The following ADAMTSL1 variants were observed in gnomAD, a reference collection of about 807,000 sequenced individuals.
The protein encoded by ADAMTSL1 is ADAMTS-like protein 1.
A neutral mutation model predicts 201.8 loss-of-function variants in ADAMTSL1; 126 were observed. The observed-to-expected ratio is 0.62, with a 90% CI of 0.54 to 0.72. The LOEUF (loss-of-function observed/expected upper bound fraction) is 0.72. Among genes scored for constraint, ADAMTSL1 ranks in the 30% least tolerant of loss-of-function variants. The pLI is 0.00. For synonymous variants in ADAMTSL1, 1,121 were observed against 903.4 expected (o/e 1.24, Z -4.32); for missense variants, 2,679 against 2,277.8 (o/e 1.18, Z -3.59).
intron 1 of ADAMTSL1, among the ~76,000 whole-genome samples, chr9:18,007,461 G>A (rs766077588): frequency 5.3e-5 from 8 of 151,920 alleles, no homozygotes; most frequent in Non-Finnish European, 1.0e-4. Context: ...AAAAACAGAC[G>A]GTATGTTAGA....
Position 17,911,820 on chromosome 9 carries a change from T to A in ADAMTSL1, c.87+4898T>A, listed in dbSNP as rs10963334. Among the ~76,000 whole-genome samples the A allele has an allele frequency of 5.8e-5, 3 of 51,478 alleles. 1 individual carries two copies. Among genetic ancestry groups the A allele is most frequent in the Non-Finnish European group, 1.8e-4 (3 of 16,526 alleles). The allele number at this position is 51,478 out of a possible 152,430, so 33.8% of individuals were successfully genotyped here. A position where few individuals can be genotyped will look rare whatever the true frequency, so the allele number is the denominator to read the frequency against. On this transcript the variant is annotated intron_variant, in intron 1 of 29. Coordinates refer to the ADAMTSL1 transcript ENST00000680146. ...ATTTAGCATTAGGTATATCTCCTAA[T>A]GCTATCCCTTCCCCCTCCCCCCACC...
At chr9:18,873,607 G>A (rs934100699) in intron 23 of ADAMTSL1, among the ~76,000 whole-genome samples, 1 of 152,156 alleles carries the variant, frequency 6.6e-6, no homozygotes, top group Non-Finnish European at 1.5e-5. Context: ...TCAGTTGGCT[G>A]TAAGTATTTG....
At chr9:17,987,736 A>G (rs1818987400) in intron 1 of ADAMTSL1, among the ~76,000 whole-genome samples, 1 of 152,040 alleles carries the variant, frequency 6.6e-6, no homozygotes, top group Non-Finnish European at 1.5e-5. Flanking sequence ...CTTTGGAGCC[A>G]TTGGAAACTT....
At chr9:18,232,733 T>C (rs1264437256) in intron 2 of ADAMTSL1, among the ~76,000 whole-genome samples, 1 of 152,182 alleles carries the variant, frequency 6.6e-6, no homozygotes, top group Non-Finnish European at 1.5e-5. Context: ...CTTGTCTTTC[T>C]GTATGTACAT....
intron 1 of ADAMTSL1, among the ~76,000 whole-genome samples, chr9:18,021,433 G>A (rs1820477233): frequency 6.6e-6 from 1 of 152,078 alleles, no homozygotes. Flanking sequence ...GGGCTGTCTG[G>A]AGATTAATTT....
chr9:17,923,516 G>A (rs1428406481), intron 1 of ADAMTSL1, among the ~76,000 whole-genome samples: 1 of 152,014 alleles, frequency 6.6e-6, no homozygotes, highest in African/African-American at 2.4e-5. Flanking sequence ...TGCTGAAGGA[G>A]ATTTTGGGCT....
chr9:18,799,127 T>C (rs1263236023), intron 20 of ADAMTSL1, among the ~76,000 whole-genome samples: 1 of 152,158 alleles, frequency 6.6e-6, no homozygotes, highest in African/African-American at 2.4e-5. Context: ...TTCCTCCCTC[T>C]AAATTCACTT....
At chr9:18,103,965 C>G (rs925700863) in intron 1 of ADAMTSL1, among the ~76,000 whole-genome samples, 7 of 152,120 alleles carry the variant, frequency 4.6e-5, no homozygotes, top group Admixed American at 4.6e-4. Context: ...TGAGATTTTC[C>G]TAGTGTCAAA....
chr9:18,634,909 A>AAT (rs34726555), intron 5 of ADAMTSL1, among the ~76,000 whole-genome samples: 1 of 138,226 alleles, frequency 7.2e-6, no homozygotes, highest in East Asian at 2.0e-4. Context: ...ATATATATTT[A>AAT]ATATATATAT....
Position 18,474,669 on chromosome 9 carries a change from A to AT in ADAMTSL1, c.63+380dup, listed in dbSNP as rs542260350. 3.2e-3 allele frequency among the ~76,000 whole-genome samples: 489 copies of AT among 152,222 alleles called. 1 individual carries two copies. Among genetic ancestry groups the AT allele is most frequent in the Non-Finnish European group, 5.7e-3 (387 of 68,006 alleles). On this transcript the variant is annotated intron_variant, in intron 1 of 28. Transcript: ENST00000380548. ...ACTCACTCACTGTGGTGTTCCTGGA[A>AT]TTTTTTGATGGATAGGCTTTGCAGA...
intron 1 of ADAMTSL1, among the ~76,000 whole-genome samples, chr9:17,957,363 A>G (rs937056131): frequency 6.6e-5 from 10 of 152,082 alleles, no homozygotes; most frequent in Non-Finnish European, 1.3e-4. Flanking sequence ...GCAGCTTCCT[A>G]TTACTGCTAA....
chr9:18,166,208 G>A (rs1182636288), intron 2 of ADAMTSL1, among the ~76,000 whole-genome samples: 1 of 151,882 alleles, frequency 6.6e-6, no homozygotes, highest in Non-Finnish European at 1.5e-5. Flanking sequence ...TTGAAGACAG[G>A]ACCTCTGTTG....
intron 15 of ADAMTSL1, among the ~76,000 whole-genome samples, chr9:18,746,651 T>G (rs1819163474): frequency 6.6e-6 from 1 of 151,968 alleles, no homozygotes; most frequent in Non-Finnish European, 1.5e-5. Flanking sequence ...CCATTAGAAA[T>G]TATGAACATT....
chr9:18,734,560 G>C (rs186285052), intron 15 of ADAMTSL1, among the ~76,000 whole-genome samples: 2 of 152,200 alleles, frequency 1.3e-5, no homozygotes, highest in South Asian at 4.2e-4. Context: ...CCTGGGCCGC[G>C]CACTAACAGC....
chr9:18,155,139 T>C (rs940830409), intron 1 of ADAMTSL1, among the ~76,000 whole-genome samples: 1 of 152,032 alleles, frequency 6.6e-6, no homozygotes, highest in Admixed American at 6.6e-5. Flanking sequence ...TTCTATTTTG[T>C]TTCCTTTGAC....
In ADAMTSL1 at chr9:18,811,030, AAAAAAC is replaced by A. The variant is rs1332631290; in HGVS notation, c.3806-6075_3806-6070del. On this transcript the variant is annotated intron_variant, in intron 20 of 28. Transcript: ENST00000380548. The stretch of plus-strand genomic sequence containing the variant: ...TGAGTACCAAAAAAAAAAAAAAAAA[AAAAAAC>A]AAACACCAGCTAGAAACCTTCTCTC... Among the ~76,000 whole-genome samples, 417 of 148,772 alleles carry A rather than the reference AAAAAAC, an allele frequency of 2.8e-3. 2 individuals carry two copies. The highest frequency in any genetic ancestry group is 9.7e-3 in the African/African-American group (385 of 39,714).
intron 14 of ADAMTSL1, among the ~76,000 whole-genome samples, chr9:18,709,827 G>C (rs963125328): frequency 1.3e-5 from 2 of 152,108 alleles, no homozygotes; most frequent in African/African-American, 4.8e-5. Context: ...AATCTAGCTG[G>C]GGGAATACTT....
chr9:18,421,530 A>G (rs1050030714), intron 2 of ADAMTSL1, among the ~76,000 whole-genome samples: 4 of 152,204 alleles, frequency 2.6e-5, no homozygotes, highest in African/African-American at 9.6e-5. Flanking sequence ...CCATTCATTC[A>G]GCAAGCTGTA....
At chr9:18,702,062 CA>C (rs1437555043) in intron 13 of ADAMTSL1, among the ~76,000 whole-genome samples, 1 of 151,970 alleles carries the variant, frequency 6.6e-6, no homozygotes, top group Non-Finnish European at 1.5e-5. Context: ...TAGCGGCAGG[CA>C]AAAAAGAGAG....
Sources: allele counts gnomAD v4.1 joint callset (sites outside exome capture counted in the v4.1 genomes callset), GRCh38; gene constraint gnomAD v4.1.1; transcripts MANE v1.5; gene names NCBI Gene and HGNC (gene_info 2026-07-23, HGNC 2026-07-21).